Variants in ARFGAP3 observed in about 807,000 individuals in gnomAD.
ARFGAP3 encodes the protein ADP-ribosylation factor GTPase-activating protein 3.
Under a neutral mutation model 75.0 loss-of-function variants are expected in ARFGAP3, and 72 were observed. The ratio of observed to expected loss-of-function variants is 0.96; its 90% confidence interval spans 0.79 to 1.17. The LOEUF (loss-of-function observed/expected upper bound fraction) is 1.17, where lower values mean the gene tolerates loss of function less well. Among genes scored for constraint, ARFGAP3 ranks in the 50% most tolerant of loss-of-function variants. ARFGAP3 has a pLI of 0.00. For missense variants in ARFGAP3, 620 were observed against 626.6 expected (o/e 0.99, Z 0.11); for synonymous variants, 221 against 217.9 (o/e 1.01, Z -0.13).
Position 42,799,112 on chromosome 22 carries a change from T to C in ARFGAP3, c.1460A>G (p.Gln487Arg), listed in dbSNP as rs1475123090. The C allele has an allele frequency of 6.2e-7, 1 of 1,614,200 alleles. No homozygotes were observed. The highest frequency in any genetic ancestry group is 1.1e-5 in the South Asian group (1 of 91,092). ...AACCGATCTCACTCCCTGCTTGAACTGCGCCATGTCGGGGGCGTTGGGCAG... is the reference window on the plus strand; with the variant it reads ...AACCGATCTCACTCCCTGCTTGAACCGCGCCATGTCGGGGGCGTTGGGCAG... ...SVLPNAPDMAQFKQGVRSVAG... is the reference protein window; with the variant it reads ...SVLPNAPDMARFKQGVRSVAG... Residue 487 changes from glutamine to arginine, a missense_variant, in exon 15 of 16, where the codon CAG becomes CGG. By Grantham distance (43) the Gln-to-Arg change is conservative (BLOSUM62 1). Transcript: ENST00000263245.
chr22:42,842,238 T>A (rs1378539626), intron 2 of ARFGAP3, among the ~76,000 whole-genome samples: 1 of 151,500 alleles, frequency 6.6e-6, no homozygotes, highest in East Asian at 1.9e-4. Context: ...CTCCCGACCT[T>A]AGGTGATCCA....
intron 3 of ARFGAP3, 163 bp from the exon 4 acceptor site, chr22:42,835,656 C>T (rs1368644770): frequency 2.7e-6 from 1 of 367,628 alleles, no homozygotes; most frequent in African/African-American, 2.2e-5. Flanking sequence ...CTTGCCTTTA[C>T]TAAAAATACA....
At chr22:42,797,784 G>T (rs1414885735) in intron 15 of ARFGAP3, 179 bp from the exon 16 acceptor site, 12 of 977,276 alleles carry the variant, frequency 1.2e-5, no homozygotes, top group Non-Finnish European at 1.5e-5. Flanking sequence ...CTTCAAGGCT[G>T]AGGGTAGGTG....
At chr22:42,830,325 A>G (rs1372526286) in intron 6 of ARFGAP3, among the ~76,000 whole-genome samples, 2 of 152,098 alleles carry the variant, frequency 1.3e-5, no homozygotes, top group African/African-American at 2.4e-5. Flanking sequence ...TCTGGGACAC[A>G]GCTGAGTGCC....
intron 1 of ARFGAP3, among the ~76,000 whole-genome samples, chr22:42,853,952 T>C (rs1468165929): frequency 1.3e-5 from 2 of 152,218 alleles, no homozygotes; most frequent in Admixed American, 6.5e-5. Context: ...TTGATCTCCA[T>C]TTTAAAGAAA....
chr22:42,831,874 C>A, intron 5 of ARFGAP3: 1 of 372,140 alleles, frequency 2.7e-6, no homozygotes, highest in Non-Finnish European at 3.7e-6. Flanking sequence ...CCTTGACCTC[C>A]CAGGCTCAAG....
chr22:42,836,313 C>A (rs549830606), intron 3 of ARFGAP3, among the ~76,000 whole-genome samples: 1 of 152,164 alleles, frequency 6.6e-6, no homozygotes, highest in South Asian at 2.1e-4. Context: ...ACTCTGTCAC[C>A]TAGGCTGGAG....
At chr22:42,844,385 G>C (rs1433482271) in intron 2 of ARFGAP3, among the ~76,000 whole-genome samples, 2 of 152,040 alleles carry the variant, frequency 1.3e-5, no homozygotes, top group Non-Finnish European at 2.9e-5. Context: ...AGGAGTTCAA[G>C]ACCAGCCTGG....
intron 11 of ARFGAP3, among the ~76,000 whole-genome samples, chr22:42,811,271 G>GAA (rs1005245797): frequency 2.0e-5 from 3 of 152,214 alleles, no homozygotes; most frequent in Admixed American, 2.0e-4. Flanking sequence ...AGAACCACCT[G>GAA]AACCCTTAGC....
chr22:42,830,917 C>CT (rs980396869), intron 6 of ARFGAP3, among the ~76,000 whole-genome samples: 51 of 152,134 alleles, frequency 3.4e-4, no homozygotes, highest in Middle Eastern at 3.4e-3. Flanking sequence ...GTATGTTTTT[C>CT]TTTTTTTACA....
rs1215789504 is a variant in ARFGAP3 at position 42,852,716 on chromosome 22, C to A, written c.69+4398G>T. Among the ~76,000 whole-genome samples, 3 of 152,098 alleles carry A rather than the reference C, an allele frequency of 2.0e-5. No individual in the cohort carries two copies. The East Asian group carries it at 5.8e-4, about 29-fold the overall frequency. On this transcript the variant is annotated intron_variant, in intron 1 of 15. Transcript: ENST00000263245. ...CTGCATTTTCATTTTGTACATTTCA[C>A]AAATTATGTAGCTAGTCTTGATCTC... is the stretch of plus-strand genomic sequence containing the variant.
chr22:42,841,075 T>A (rs1048846533), intron 2 of ARFGAP3, 59 bp from the exon 3 acceptor site: 7 of 1,570,908 alleles, frequency 4.5e-6, no homozygotes, highest in Non-Finnish European at 6.0e-6. Context: ...GCAAAATCAG[T>A]GAGCTTTTGA....
At chr22:42,824,170 ATTTTTTTTTTTTTTTTT>A (rs57620930) in intron 7 of ARFGAP3, among the ~76,000 whole-genome samples, 2 of 59,832 alleles carry the variant, frequency 3.3e-5, no homozygotes, top group Non-Finnish European at 6.0e-5. Flanking sequence ...ACATCTGGCT[ATTTTTTTTTTTTTTTTT>A]TTTTTTTTTT....
At chr22:42,821,217 C>CT (rs1925798935) in intron 9 of ARFGAP3, among the ~76,000 whole-genome samples, 1 of 152,168 alleles carries the variant, frequency 6.6e-6, no homozygotes, top group South Asian at 2.1e-4. Flanking sequence ...ATTATAAATA[C>CT]TTTTTTCATT....
Position 42,797,309 on chromosome 22 carries a change from T to A in ARFGAP3, c.*279A>T. The stretch of plus-strand genomic sequence containing the variant: ...GGAGCCGAGGTCTCCAGGCCCTCAG[T>A]GTTGAAATCAAAGGTTCCAAGAAAA... On this transcript the variant is annotated 3_prime_UTR_variant, in exon 16 of 16. Coordinates refer to ENST00000263245, the MANE Select transcript of ARFGAP3 (RefSeq NM_014570.5). 2.2e-6 allele frequency: 1 copy of A among 454,162 alleles called. No individual in the cohort carries two copies. The highest frequency in any genetic ancestry group is 2.6e-5 in the South Asian group (1 of 39,056). 28.1% of individuals were successfully genotyped at this position (454,162 alleles called of 1,614,324 possible).
intron 2 of ARFGAP3, among the ~76,000 whole-genome samples, chr22:42,846,810 G>A (rs748444212): frequency 2.0e-5 from 3 of 152,218 alleles, no homozygotes; most frequent in Non-Finnish European, 4.4e-5. Flanking sequence ...ACTTTGTACT[G>A]CCGAATTATT....
At chr22:42,803,596 C>G (rs1924976325) in intron 14 of ARFGAP3, among the ~76,000 whole-genome samples, 1 of 152,222 alleles carries the variant, frequency 6.6e-6, no homozygotes, top group Non-Finnish European at 1.5e-5. Context: ...GTGCCTCACG[C>G]CTGCCTGAGG....
At chr22:42,817,988 G>T in intron 9 of ARFGAP3, 131 bp from the exon 10 acceptor site, 1 of 1,237,294 alleles carries the variant, frequency 8.1e-7, no homozygotes, top group Non-Finnish European at 1.1e-6. Context: ...CAATTATGAA[G>T]GCAAGTTGGT....
At chr22:42,849,023 T>G (rs1005052644) in intron 1 of ARFGAP3, among the ~76,000 whole-genome samples, 10 of 152,090 alleles carry the variant, frequency 6.6e-5, no homozygotes, top group African/African-American at 2.4e-4. Context: ...TTGAGGACAC[T>G]CAGGTTGCCC....
Sources: allele counts gnomAD v4.1 joint callset (sites outside exome capture counted in the v4.1 genomes callset), GRCh38; gene constraint gnomAD v4.1.1; transcripts MANE v1.5; gene names NCBI Gene and HGNC (gene_info 2026-07-23, HGNC 2026-07-21).